The following ROR2 variants were observed in gnomAD, a reference collection of about 807,000 sequenced individuals.
The protein encoded by ROR2 is tyrosine-protein kinase transmembrane receptor ROR2.
A neutral mutation model predicts 74.9 loss-of-function variants in ROR2; 33 were observed. The observed-to-expected ratio is 0.44, with a 90% CI of 0.33 to 0.59. The LOEUF is 0.59. Ranked by LOEUF, ROR2 falls within the 20% of genes least tolerant of loss-of-function variation. The pLI is 0.02. For missense variants in ROR2, 1,216 were observed against 1,313.8 expected, an observed-to-expected ratio of 0.93 and a Z score of 1.15; for synonymous variants, 586 against 558.7, an observed-to-expected ratio of 1.05 and a Z score of -0.69.
intron 1 of ROR2, among the ~76,000 whole-genome samples, chr9:91,824,456 C>T (rs1277915355): frequency 6.6e-6 from 1 of 152,196 alleles, no homozygotes; most frequent in Non-Finnish European, 1.5e-5. Flanking sequence ...ACGCCGGGGG[C>T]AGGGCATCCC....
At chr9:91,874,196 T>A (rs1829888035) in intron 1 of ROR2, among the ~76,000 whole-genome samples, 1 of 152,184 alleles carries the variant, frequency 6.6e-6, no homozygotes, top group East Asian at 1.9e-4. Flanking sequence ...TCCACTGACA[T>A]GAAACCCAAT....
intron 1 of ROR2, among the ~76,000 whole-genome samples, chr9:91,788,179 A>G (rs1222274678): frequency 1.3e-5 from 2 of 152,180 alleles, no homozygotes; most frequent in Non-Finnish European, 2.9e-5. Context: ...TGCAAAGAAA[A>G]CAGAATGAAG....
intron 1 of ROR2, among the ~76,000 whole-genome samples, chr9:91,869,946 G>C (rs185930450): frequency 2.8e-4 from 42 of 152,300 alleles, no homozygotes; most frequent in African/African-American, 9.9e-4. Flanking sequence ...TTGGGAAGTA[G>C]TCAGTAACCT....
intron 1 of ROR2, among the ~76,000 whole-genome samples, chr9:91,817,665 G>A (rs989177261): frequency 3.9e-5 from 6 of 152,294 alleles, no homozygotes; most frequent in African/African-American, 1.2e-4. Flanking sequence ...CCAGGCACCC[G>A]TCGGGGCCTC....
chr9:91,919,781 C>T (rs1183902671), intron 1 of ROR2, among the ~76,000 whole-genome samples: 2 of 152,162 alleles, frequency 1.3e-5, no homozygotes, highest in African/African-American at 4.8e-5. Flanking sequence ...CCCAGCCTGG[C>T]CGATCTCACA....
intron 3 of ROR2, among the ~76,000 whole-genome samples, chr9:91,756,766 TTGA>T (rs1784687400): frequency 8.9e-6 from 1 of 111,858 alleles, no homozygotes; most frequent in Non-Finnish European, 1.7e-5. Context: ...TTTTTTTTTT[TTGA>T]GACAGAGTTT....
chr9:91,788,169 T>C (rs1826859496), intron 1 of ROR2, among the ~76,000 whole-genome samples: 1 of 151,626 alleles, frequency 6.6e-6, no homozygotes, highest in Non-Finnish European at 1.5e-5. Flanking sequence ...TTATCTAGTC[T>C]GCAAAGAAAA....
At chr9:91,789,367 G>A (rs1231214197) in intron 1 of ROR2, among the ~76,000 whole-genome samples, 4 of 152,170 alleles carry the variant, frequency 2.6e-5, no homozygotes, top group African/African-American at 9.7e-5. Flanking sequence ...CACATGAAGA[G>A]ATAAATAAAA....
intron 1 of ROR2, among the ~76,000 whole-genome samples, chr9:91,925,712 T>C (rs746834814): frequency 3.2e-4 from 48 of 152,170 alleles, no homozygotes; most frequent in Non-Finnish European, 1.9e-4. Flanking sequence ...AGCAATCCTA[T>C]GTCAAGAGTG....
intron 1 of ROR2, among the ~76,000 whole-genome samples, chr9:91,811,606 A>C (rs1418971234): frequency 6.6e-6 from 1 of 152,148 alleles, no homozygotes; most frequent in East Asian, 1.9e-4. Context: ...CACGGAAGCC[A>C]CCCAACTACC....
intron 1 of ROR2, among the ~76,000 whole-genome samples, chr9:91,938,749 CTT>C (rs1216895575): frequency 1.3e-5 from 2 of 152,212 alleles, no homozygotes; most frequent in African/African-American, 4.8e-5. Flanking sequence ...CTCAGAATCT[CTT>C]CTTTGAAATC....
rs544362618 is a variant in ROR2, at chr9:91,793,934, C to T, written c.98-18116G>A. ...GGAGTCGGATACCTATAGCCTGGTC[C>T]ATGGTGTGAACGATGCCTCAAAATC... is the stretch of plus-strand genomic sequence containing the variant. On this transcript the variant is annotated intron_variant, in intron 1 of 8. Coordinates refer to ENST00000375708, the MANE Select transcript of ROR2 (RefSeq NM_004560.4). Among the ~76,000 whole-genome samples the T allele has an allele frequency of 1.8e-4, 28 of 152,308 alleles. No homozygotes were observed. In the East Asian group the frequency reaches 2.3e-3, roughly 13 times the overall value.
At chr9:91,941,514 C>A (rs148858650) in intron 1 of ROR2, among the ~76,000 whole-genome samples, 147 of 152,314 alleles carry the variant, frequency 9.7e-4, no homozygotes, top group Non-Finnish European at 1.8e-3. Flanking sequence ...CATCCTCTTA[C>A]ACCACCTCTG....
rs1424299048 is a variant in ROR2, at chr9:91,723,944, C to G, written c.2550G>C (p.Gln850His). Residue 850 changes from glutamine (Q) to histidine (H), a missense_variant, in exon 9 of 9, where the codon CAG becomes CAC. By Grantham distance (24) the Gln-to-His change is conservative. Coordinates refer to ENST00000375708, the MANE Select transcript of ROR2 (RefSeq NM_004560.4). ...GCTTGGGGACCATCTGAGGAGGCAC[C>G]TGCTGCGGGGCCATCTGCATTGGGA... Reference protein sequence around the residue: ...VQIPMQMAPQQVPPQMVPKPS... With the variant: ...VQIPMQMAPQHVPPQMVPKPS... The G allele has an allele frequency of 1.2e-6, 2 of 1,613,504 alleles. No individual in the cohort carries two copies. Among genetic ancestry groups the G allele is most frequent in the Non-Finnish European group, 1.7e-6 (2 of 1,180,028 alleles).
At chr9:91,897,993 C>T (rs1224872222) in intron 1 of ROR2, among the ~76,000 whole-genome samples, 1 of 152,128 alleles carries the variant, frequency 6.6e-6, no homozygotes, top group Non-Finnish European at 1.5e-5. Flanking sequence ...ACCAGACGGG[C>T]CACCCACAGG....
chr9:91,946,864 G>T (rs576248566), intron 1 of ROR2, among the ~76,000 whole-genome samples: 39 of 152,310 alleles, frequency 2.6e-4, no homozygotes, highest in Non-Finnish European at 4.3e-4. Context: ...CTACCTGTCA[G>T]ATGAGCTGTT....
intron 1 of ROR2, among the ~76,000 whole-genome samples, chr9:91,926,307 C>T (rs944773123): frequency 1.3e-5 from 2 of 151,664 alleles, no homozygotes; most frequent in African/African-American, 4.8e-5. Flanking sequence ...GGTGTGAACC[C>T]GGGAGTCAGA....
rs1266673307 is a variant in ROR2, at chr9:91,723,978, G to A, written c.2516C>T (p.Pro839Leu). The change falls in exon 9 of 9, where the codon CCG becomes CTG. Residue 839 changes from proline to leucine, a missense_variant. Transcript: ENST00000375708. ...GGCCATCTGCATTGGGATCTGCACC[G>A]GGTAGAAGTTGGGCAGGTAGGCCCC... is the stretch of plus-strand genomic sequence containing the variant. ...AYGAYLPNFY[P>L]VQIPMQMAPQ... 2 of 1,613,086 alleles carry A rather than the reference G, an allele frequency of 1.2e-6. No individual in the cohort carries two copies. The highest frequency in any genetic ancestry group is 1.7e-6 in the Non-Finnish European group (2 of 1,180,034).
chr9:91,949,855 G>T lies in ROR2; in HGVS notation c.97+12C>A. Reference sequence around the variant, plus strand: ...CTACCGTCTGCGCACAAGCCGGAACGCCAGATCCTACCTGAAGTCCGGGAC... The same window carrying T: ...CTACCGTCTGCGCACAAGCCGGAACTCCAGATCCTACCTGAAGTCCGGGAC... On this transcript the variant is annotated intron_variant, in intron 1 of 8. Coordinates refer to ENST00000375708, the MANE Select transcript of ROR2 (RefSeq NM_004560.4). 2 of 1,509,338 alleles carry T rather than the reference G, an allele frequency of 1.3e-6. No individual in the cohort carries two copies. Among genetic ancestry groups the T allele is most frequent in the African/African-American group, 1.4e-5 (1 of 71,998 alleles). The allele number at this position is 1,509,338 out of a possible 1,614,324, so 93.5% of individuals were successfully genotyped here.
Sources: gnomAD v4.1 joint callset for allele counts (sites outside exome capture counted in the v4.1 genomes callset) on GRCh38, gnomAD v4.1.1 for gene constraint, MANE v1.5 for transcripts, NCBI Gene and HGNC (gene_info 2026-07-23, HGNC 2026-07-21) for gene names.